The following ADAMTS18 variants were observed in gnomAD, a reference collection of about 807,000 sequenced individuals.
ADAMTS18 encodes the protein ADAM metallopeptidase with thrombospondin type 1 motif 18.
Under a neutral mutation model 165.9 loss-of-function variants are expected in ADAMTS18, and 157 were observed. The ratio of observed to expected loss-of-function variants is 0.95; its 90% CI spans 0.83 to 1.08. The LOEUF (loss-of-function observed/expected upper bound fraction) is 1.08, where lower values mean the gene tolerates loss of function less well. Among genes scored for constraint, ADAMTS18 ranks in the 50% least tolerant of loss-of-function variants. The pLI, the probability that ADAMTS18 is intolerant of heterozygous loss-of-function variation, is 0.00. For missense variants in ADAMTS18, 2,040 were observed against 1,534.0 expected, an observed-to-expected ratio of 1.33 and a Z score of -5.51; for synonymous variants, 782 against 578.2, an observed-to-expected ratio of 1.35 and a Z score of -5.06.
At chr16:77,373,702 A>C (rs1436227858) in intron 3 of ADAMTS18, among the ~76,000 whole-genome samples, 1 of 152,156 alleles carries the variant, frequency 6.6e-6, no homozygotes, top group African/African-American at 2.4e-5. Flanking sequence ...TCTGTCCCCC[A>C]AAAACCTATG....
At chr16:77,395,819 A>G (rs1482125916) in intron 3 of ADAMTS18, among the ~76,000 whole-genome samples, 2 of 152,210 alleles carry the variant, frequency 1.3e-5, no homozygotes, top group Non-Finnish European at 2.9e-5. Context: ...TGAATTGGAA[A>G]AGCCTTTTGG....
chr16:77,349,575 A>G (rs1361044156), intron 10 of ADAMTS18, among the ~76,000 whole-genome samples: 1 of 150,530 alleles, frequency 6.6e-6, no homozygotes, highest in Non-Finnish European at 1.5e-5. Flanking sequence ...AGACAAAGTC[A>G]TGAATAACTA....
Position 77,287,029 on chromosome 16 carries a change from C to T in ADAMTS18, c.3550+2235G>A, listed in dbSNP as rs115568674. 4.3e-3 allele frequency among the ~76,000 whole-genome samples: 656 copies of T among 152,240 alleles called. 6 individuals carry two copies. The highest frequency in any genetic ancestry group is 0.015 in the African/African-American group (616 of 41,536). ...GGCAGGGATCTGGGGGACAACAAAG[C>T]TGTTTGGTGACACTGGATGACAGGA... On this transcript the variant is annotated intron_variant, in intron 22 of 22. Coordinates refer to ENST00000282849, the MANE Select transcript of ADAMTS18 (RefSeq NM_199355.4).
rs2056956691 is a variant in ADAMTS18 at position 77,376,583 on chromosome 16, T to C, written c.496-8860A>G. Among the ~76,000 whole-genome samples, 5 of 152,212 alleles carry C rather than the reference T, an allele frequency of 3.3e-5. No individual in the cohort carries two copies. In the South Asian group the frequency reaches 1.0e-3, roughly 32 times the overall value. The stretch of plus-strand genomic sequence containing the variant: ...CTACTGGACTCTGTGTGCTGCAGGG[T>C]CAACTCACATTGCTTCTTCCTGCAT... On this transcript the variant is annotated intron_variant, in intron 3 of 22. Coordinates refer to ENST00000282849, the MANE Select transcript of ADAMTS18 (RefSeq NM_199355.4).
intron 3 of ADAMTS18, among the ~76,000 whole-genome samples, chr16:77,425,977 C>A (rs909893031): frequency 2.6e-5 from 4 of 151,966 alleles, no homozygotes; most frequent in African/African-American, 9.7e-5. Context: ...ATCTGGGAGA[C>A]AGAGGTTGCA....
chr16:77,415,725 C>CAAAAAAAAA (rs71137817), intron 3 of ADAMTS18, among the ~76,000 whole-genome samples: 2,096 of 101,638 alleles, frequency 0.021, 117 homozygotes, highest in African/African-American at 0.032. Context: ...GCTGGGTAGG[C>CAAAAAAAAA]AAAAAAAAAA....
At chr16:77,288,382 G>C (rs2055295966) in intron 22 of ADAMTS18, among the ~76,000 whole-genome samples, 1 of 148,772 alleles carries the variant, frequency 6.7e-6, no homozygotes. Flanking sequence ...CTGGCTCTGA[G>C]TAACTGCTAC....
At chr16:77,335,674 T>TA (rs1377102341) in intron 12 of ADAMTS18, 82 bp downstream of exon 12, 2 of 1,538,146 alleles carry the variant, frequency 1.3e-6, no homozygotes, top group Non-Finnish European at 1.8e-6. Context: ...AAAATAAACT[T>TA]AAAGTATGAA....
At chr16:77,289,243 T>C (rs1297874323) in intron 22 of ADAMTS18, 21 bp downstream of exon 22, 1 of 1,614,034 alleles carries the variant, frequency 6.2e-7, no homozygotes, top group Non-Finnish European at 8.5e-7. Context: ...TAAAGTTGAC[T>C]GGAGCATGGT....
intron 3 of ADAMTS18, among the ~76,000 whole-genome samples, chr16:77,387,528 C>G (rs7189575): frequency 0.03 from 4,565 of 152,212 alleles, 253 homozygotes; most frequent in African/African-American, 0.1. Flanking sequence ...ACCATTCATA[C>G]CTCCTTCACT....
At chr16:77,371,011 T>C (rs1288470208) in intron 3 of ADAMTS18, among the ~76,000 whole-genome samples, 1 of 152,102 alleles carries the variant, frequency 6.6e-6, no homozygotes, top group East Asian at 1.9e-4. Context: ...ACTTTGGGAT[T>C]TGAGATCAGC....
chr16:77,315,710 C>G (rs977259576), intron 16 of ADAMTS18, among the ~76,000 whole-genome samples: 3 of 152,156 alleles, frequency 2.0e-5, no homozygotes, highest in African/African-American at 7.2e-5. Context: ...AATTATTTGG[C>G]TACTCCCAAG....
chr16:77,390,409 T>C (rs866821038), intron 3 of ADAMTS18, among the ~76,000 whole-genome samples: 18 of 152,184 alleles, frequency 1.2e-4, no homozygotes, highest in African/African-American at 3.4e-4. Context: ...CACCCCGCCC[T>C]TGCCAGGTGC....
At chr16:77,357,857 A>C (rs2056654159) in intron 8 of ADAMTS18, among the ~76,000 whole-genome samples, 1 of 152,044 alleles carries the variant, frequency 6.6e-6, no homozygotes, top group Non-Finnish European at 1.5e-5. Context: ...CCTTCCCCCA[A>C]CCTCTGACTT....
In ADAMTS18 at chr16:77,291,271, G is replaced by C. The variant is rs1445460803; in HGVS notation, c.3397C>G (p.Gln1133Glu). 2.5e-6 allele frequency: 4 copies of C among 1,613,958 alleles called. No individual in the cohort carries two copies. Among genetic ancestry groups the C allele is most frequent in the South Asian group, 1.1e-5 (1 of 91,066 alleles). ...CTCAATCGGCCTGTACCCACCTGCT[G>C]CCACGGCAATGAATACCATCCAGCT... is the stretch of plus-strand genomic sequence containing the variant. The part of the protein sequence containing the change: ...MVAGWYSLPW[Q>E]QCTVTCGGGV... Residue 1133 changes from glutamine to glutamate, a missense_variant, in exon 21 of 23, where the codon CAG (glutamine) becomes GAG (glutamate). By Grantham distance (29) the Gln-to-Glu change is conservative. Coordinates refer to ENST00000282849, the MANE Select transcript of ADAMTS18 (RefSeq NM_199355.4).
At chr16:77,399,914 C>G (rs1191060046) in intron 3 of ADAMTS18, among the ~76,000 whole-genome samples, 2 of 152,160 alleles carry the variant, frequency 1.3e-5, no homozygotes, top group Non-Finnish European at 2.9e-5. Flanking sequence ...TCTGTACAAT[C>G]TGGAATCCTA....
intron 3 of ADAMTS18, among the ~76,000 whole-genome samples, chr16:77,400,446 G>C (rs55936038): frequency 1.8e-4 from 15 of 83,558 alleles, no homozygotes; most frequent in Non-Finnish European, 3.1e-4. Context: ...GTGTGTGTGT[G>C]TGTGTGTGTC....
chr16:77,414,075 A>T (rs1331901527), intron 3 of ADAMTS18, among the ~76,000 whole-genome samples: 44 of 152,270 alleles, frequency 2.9e-4, no homozygotes, highest in Non-Finnish European at 2.1e-4. Flanking sequence ...ATTAGCCAGA[A>T]TTCTGCAGAG....
At chr16:77,352,689 A>G (rs2099296992) in intron 10 of ADAMTS18, among the ~76,000 whole-genome samples, 1 of 152,150 alleles carries the variant, frequency 6.6e-6, no homozygotes, top group Non-Finnish European at 1.5e-5. Context: ...AGGAGGAAGA[A>G]GAGGAACAGG....
Sources: allele counts gnomAD v4.1 joint callset (sites outside exome capture counted in the v4.1 genomes callset), GRCh38; gene constraint gnomAD v4.1.1; transcripts MANE v1.5; gene names NCBI Gene and HGNC (gene_info 2026-07-23, HGNC 2026-07-21).